The following XYLT1 variants were observed in gnomAD, a reference collection of about 807,000 sequenced individuals.
XYLT1 encodes the protein xylosyltransferase 1, also known as beta-D-xylosyltransferase 1.
A neutral mutation model predicts 91.3 loss-of-function variants in XYLT1; 36 were observed. The ratio of observed to expected loss-of-function variants is 0.39; its 90% CI spans 0.30 to 0.52. XYLT1 has a LOEUF of 0.52. XYLT1 is among the 20% of genes least tolerant of loss of function. The pLI is 0.68. For missense variants in XYLT1, 1,242 were observed against 1,284.5 expected (o/e 0.97, Z 0.51); for synonymous variants, 588 against 532.0 (o/e 1.11, Z -1.45).
intron 2 of XYLT1, among the ~76,000 whole-genome samples, chr16:17,288,987 G>T (rs2034182004): frequency 6.6e-6 from 1 of 152,172 alleles, no homozygotes; most frequent in Admixed American, 6.5e-5. Flanking sequence ...GAGACATAAA[G>T]TCACTTGTCT....
At chr16:17,136,947 G>T (rs771962948) in intron 8 of XYLT1, among the ~76,000 whole-genome samples, 1 of 152,076 alleles carries the variant, frequency 6.6e-6, no homozygotes, top group Non-Finnish European at 1.5e-5. Flanking sequence ...GATTCTCTGC[G>T]ATTAGGGCAG....
chr16:17,274,720 G>C (rs1360026128), intron 2 of XYLT1, among the ~76,000 whole-genome samples: 1 of 152,044 alleles, frequency 6.6e-6, no homozygotes, highest in Non-Finnish European at 1.5e-5. Context: ...GAGCAAGACA[G>C]ACAAAGGAAA....
chr16:17,112,862 C>T lies in XYLT1; in HGVS notation c.2558-3845G>A, dbSNP rs149689433. 3.4e-3 allele frequency among the ~76,000 whole-genome samples: 524 copies of T among 152,170 alleles called. 6 individuals are homozygous for T. The highest frequency in any genetic ancestry group is 0.012 in the African/African-American group (483 of 41,548). On this transcript the variant is annotated intron_variant, in intron 11 of 11. Transcript: ENST00000261381. ...GGATTGATTGATTCTTTTTTTGAGACGGAGTCTCGCTCTTGTTGCCAGGCT... is the reference window on the plus strand; with the variant it reads ...GGATTGATTGATTCTTTTTTTGAGATGGAGTCTCGCTCTTGTTGCCAGGCT...
intron 10 of XYLT1, 85 bp downstream of exon 10, chr16:17,127,581 C>T (rs2030304073): frequency 3.4e-6 from 5 of 1,467,442 alleles, no homozygotes; most frequent in Non-Finnish European, 3.7e-6. Context: ...CCTCCATCTC[C>T]AACTAGAAGT....
chr16:17,271,315 TAGAGACACAGAGAG>T (rs2033887027), intron 2 of XYLT1, among the ~76,000 whole-genome samples: 1 of 150,580 alleles, frequency 6.6e-6, no homozygotes, highest in Non-Finnish European at 1.5e-5. Context: ...GGGGGTGTGG[TAGAGACACAGAGAG>T]AGAGACACAC....
rs1296698051 is a variant in XYLT1, at chr16:17,104,820, GCATGCCAGTAAGAC to G, written c.*3861_*3874del. 5 of 152,192 alleles carry G rather than the reference GCATGCCAGTAAGAC, an allele frequency of 3.3e-5. No homozygotes were observed. Among genetic ancestry groups the G allele is most frequent in the Non-Finnish European group, 7.3e-5 (5 of 68,060 alleles). 9.4% of individuals were successfully genotyped at this position (152,192 alleles called of 1,614,324 possible). A position where few individuals can be genotyped will look rare whatever the true frequency, so the allele number is the denominator to read the frequency against. On this transcript the variant is annotated 3_prime_UTR_variant, in exon 12 of 12. Coordinates refer to ENST00000261381, the MANE Select transcript of XYLT1 (RefSeq NM_022166.4). ...GCTGCTCATTCTGGGTAGGTCACGT[GCATGCCAGTAAGAC>G]CACAGTCCCCATCCTTGCCCCCACC...
At chr16:17,137,264 T>A (rs1163765156) in intron 8 of XYLT1, among the ~76,000 whole-genome samples, 1 of 151,950 alleles carries the variant, frequency 6.6e-6, no homozygotes, top group Non-Finnish European at 1.5e-5. Context: ...ACCTGAACAA[T>A]AAAAGTGATG....
At chr16:17,374,369 A>C (rs2141877315) in intron 1 of XYLT1, among the ~76,000 whole-genome samples, 1 of 152,320 alleles carries the variant, frequency 6.6e-6, no homozygotes, top group African/African-American at 2.4e-5. Flanking sequence ...TCACTGCCAA[A>C]GTTCCTGTGT....
intron 3 of XYLT1, among the ~76,000 whole-genome samples, chr16:17,258,052 G>A (rs556512829): frequency 7.2e-5 from 11 of 152,184 alleles, no homozygotes; most frequent in East Asian, 3.9e-4. Context: ...GGATCCCTCC[G>A]TGTCTCAGCA....
chr16:17,300,572 T>A (rs2034380894), intron 2 of XYLT1, among the ~76,000 whole-genome samples: 1 of 143,164 alleles, frequency 7.0e-6, no homozygotes, highest in East Asian at 2.1e-4. Context: ...TTCTCCTGCC[T>A]TAGCCTCCCG....
At chr16:17,128,685 A>G (rs532192886) in intron 9 of XYLT1, among the ~76,000 whole-genome samples, 5 of 152,210 alleles carry the variant, frequency 3.3e-5, no homozygotes, top group Non-Finnish European at 7.3e-5. Context: ...TTGTTGTTTT[A>G]AAATGCACGT....
intron 2 of XYLT1, among the ~76,000 whole-genome samples, chr16:17,327,801 C>T (rs545468729): frequency 1.3e-5 from 2 of 152,140 alleles, no homozygotes; most frequent in African/African-American, 4.8e-5. Context: ...TAAATTCCAT[C>T]GCGGTGAGCC....
At chr16:17,261,171 AG>A (rs1282977731) in intron 2 of XYLT1, among the ~76,000 whole-genome samples, 1 of 141,166 alleles carries the variant, frequency 7.1e-6, no homozygotes, top group East Asian at 2.1e-4. Context: ...TGAACCTGGG[AG>A]GCGGAGGTTG....
chr16:17,387,331 T>C (rs1369243246), intron 1 of XYLT1, among the ~76,000 whole-genome samples: 2 of 152,174 alleles, frequency 1.3e-5, no homozygotes, highest in African/African-American at 4.8e-5. Flanking sequence ...CCCACACTGC[T>C]TCACTAGACT....
At chr16:17,115,170 T>G (rs1272125333) in intron 11 of XYLT1, among the ~76,000 whole-genome samples, 1 of 151,964 alleles carries the variant, frequency 6.6e-6, no homozygotes, top group Non-Finnish European at 1.5e-5. Flanking sequence ...TGTTTAAGAC[T>G]CTTCCTTGTT....
chr16:17,342,475 A>G lies in XYLT1; in HGVS notation c.402+15537T>C, dbSNP rs367580664. Among the ~76,000 whole-genome samples the G allele has an allele frequency of 2.0e-4, 30 of 151,980 alleles. No individual in the cohort carries two copies. In the East Asian group the frequency reaches 5.0e-3, roughly 26 times the overall value. Reference sequence around the variant, plus strand: ...GGCGGCTCATGCCTGTAATCCCAGCACTTTGGGAGGCCGAGACAGGCAGAT... The same window carrying G: ...GGCGGCTCATGCCTGTAATCCCAGCGCTTTGGGAGGCCGAGACAGGCAGAT... On this transcript the variant is annotated intron_variant, in intron 2 of 11. Transcript: ENST00000261381.
chr16:17,428,659 G>A (rs763760048), intron 1 of XYLT1, among the ~76,000 whole-genome samples: 15 of 152,274 alleles, frequency 9.9e-5, no homozygotes, highest in South Asian at 6.2e-4. Flanking sequence ...ATCTGTAGCC[G>A]CAGCCCACTC....
intron 4 of XYLT1, 24 bp downstream of exon 4, chr16:17,200,458 G>C: frequency 6.2e-7 from 1 of 1,602,682 alleles, no homozygotes; most frequent in African/African-American, 1.3e-5. Flanking sequence ...AGCCCAGCAA[G>C]GGGTGATCAC....
intron 3 of XYLT1, among the ~76,000 whole-genome samples, chr16:17,235,586 C>T (rs910457153): frequency 3.9e-5 from 6 of 152,094 alleles, no homozygotes; most frequent in South Asian, 2.1e-4. Flanking sequence ...CCCAAAGACG[C>T]GCTGAGTCAC....
Sources: gnomAD v4.1 joint callset for allele counts (sites outside exome capture counted in the v4.1 genomes callset) on GRCh38, gnomAD v4.1.1 for gene constraint, MANE v1.5 for transcripts, NCBI Gene and HGNC (gene_info 2026-07-23, HGNC 2026-07-21) for gene names.